NRG3: variants seen among roughly 807,000 people sequenced by gnomAD.
NRG3 encodes pro-neuregulin-3, membrane-bound isoform.
In NRG3, 31 loss-of-function variants were observed where a neutral mutation model predicts 66.9. The observed-to-expected ratio is 0.46, with a 90% CI of 0.35 to 0.63. The LOEUF (loss-of-function observed/expected upper bound fraction) is 0.63, where lower values mean the gene tolerates loss of function less well. Among genes scored for constraint, NRG3 ranks in the 20% least tolerant of loss-of-function variants. The pLI is 0.00. For synonymous variants in NRG3, 393 were observed against 359.4 expected (o/e 1.09, Z -1.06); for missense variants, 910 against 878.9 (o/e 1.04, Z -0.45).
At chr10:82,016,988 C>T (rs534213231) in intron 1 of NRG3, among the ~76,000 whole-genome samples, 54 of 152,006 alleles carry the variant, frequency 3.6e-4, no homozygotes, top group Non-Finnish European at 6.6e-4. Context: ...ACAACGTGCA[C>T]GTTTGTTACA....
intron 1 of NRG3, among the ~76,000 whole-genome samples, chr10:82,086,284 G>A (rs2065721582): frequency 6.6e-6 from 1 of 152,058 alleles, no homozygotes; most frequent in Admixed American, 6.6e-5. Flanking sequence ...TTTAAAGTAA[G>A]TTATCCATAT....
intron 1 of NRG3, among the ~76,000 whole-genome samples, chr10:81,984,185 T>C (rs2060438006): frequency 6.6e-6 from 1 of 152,188 alleles, no homozygotes; most frequent in Non-Finnish European, 1.5e-5. Flanking sequence ...TTTGAACTTC[T>C]GACCTCCAGA....
intron 1 of NRG3, among the ~76,000 whole-genome samples, chr10:82,095,527 A>C (rs149289813): frequency 1.3e-5 from 2 of 152,330 alleles, no homozygotes; most frequent in East Asian, 3.9e-4. Context: ...TTGAGGCATC[A>C]ATCCTATTCC....
chr10:82,007,743 A>G (rs2061427254), intron 1 of NRG3, among the ~76,000 whole-genome samples: 1 of 152,182 alleles, frequency 6.6e-6, no homozygotes, highest in South Asian at 2.1e-4. Flanking sequence ...AATGAAGACT[A>G]GAAGTTTTAA....
intron 1 of NRG3, among the ~76,000 whole-genome samples, chr10:81,906,266 GA>G (rs1264598527): frequency 1.3e-5 from 2 of 151,548 alleles, no homozygotes; most frequent in African/African-American, 4.8e-5. Context: ...CAGTTTCAAA[GA>G]AAAAAAACAG....
chr10:82,246,777 C>A (rs1380066338), intron 1 of NRG3, among the ~76,000 whole-genome samples: 1 of 149,486 alleles, frequency 6.7e-6, no homozygotes, highest in Non-Finnish European at 1.5e-5. Flanking sequence ...GTTTTTTTTT[C>A]AGAGAGTAAG....
intron 6 of NRG3, 27 bp downstream of exon 6, chr10:82,959,102 C>T (rs754690585): frequency 6.4e-7 from 1 of 1,554,104 alleles, no homozygotes; most frequent in Non-Finnish European, 8.6e-7. Context: ...CACACCTCCT[C>T]CTATAGCCTA....
At chr10:82,177,103 T>C (rs914494276) in intron 1 of NRG3, among the ~76,000 whole-genome samples, 2 of 152,046 alleles carry the variant, frequency 1.3e-5, no homozygotes, top group African/African-American at 4.8e-5. Context: ...TTAAATAAGA[T>C]ACCTTAGTGC....
chr10:82,198,912 G>A (rs1252416901), intron 1 of NRG3, among the ~76,000 whole-genome samples: 3 of 151,628 alleles, frequency 2.0e-5, no homozygotes, highest in African/African-American at 4.9e-5. Flanking sequence ...CAGGAGAATC[G>A]CTTGAACCCG....
chr10:82,433,037 A>G (rs956205836), intron 2 of NRG3, among the ~76,000 whole-genome samples: 3 of 152,210 alleles, frequency 2.0e-5, no homozygotes, highest in African/African-American at 7.2e-5. Context: ...AGGAATCACC[A>G]TACTGTATTC....
At chr10:82,910,497 C>G (rs1182321404) in intron 4 of NRG3, among the ~76,000 whole-genome samples, 1 of 152,188 alleles carries the variant, frequency 6.6e-6, no homozygotes, top group Non-Finnish European at 1.5e-5. Context: ...TAAGTTCTTA[C>G]TTGTCTATTA....
At chr10:82,117,488 C>T (rs916567943) in intron 1 of NRG3, among the ~76,000 whole-genome samples, 4 of 152,086 alleles carry the variant, frequency 2.6e-5, no homozygotes, top group Admixed American at 2.0e-4. Context: ...TTGTCAAATA[C>T]TTGATATCTT....
At chr10:82,470,472 A>G (rs1310570680) in intron 2 of NRG3, among the ~76,000 whole-genome samples, 1 of 152,260 alleles carries the variant, frequency 6.6e-6, no homozygotes, top group Non-Finnish European at 1.5e-5. Flanking sequence ...ATTATTTAAC[A>G]GTGTTAGCTA....
At chr10:82,184,290 A>T (rs2073647989) in intron 1 of NRG3, among the ~76,000 whole-genome samples, 1 of 152,168 alleles carries the variant, frequency 6.6e-6, no homozygotes, top group Admixed American at 6.6e-5. Context: ...AGAACAATAA[A>T]TGGACTCAAG....
At chr10:82,347,992 G>C (rs1277354920) in intron 1 of NRG3, among the ~76,000 whole-genome samples, 1 of 151,922 alleles carries the variant, frequency 6.6e-6, no homozygotes, top group African/African-American at 2.4e-5. Context: ...CCTGAATACA[G>C]CACACTGATG....
At chr10:82,668,873 A>G (rs990298395) in intron 2 of NRG3, among the ~76,000 whole-genome samples, 6 of 152,022 alleles carry the variant, frequency 3.9e-5, no homozygotes, top group African/African-American at 1.4e-4. Flanking sequence ...GATTGCCTCT[A>G]TTTTCTGGTG....
chr10:82,858,354 T>C (rs1292134478), intron 3 of NRG3, among the ~76,000 whole-genome samples: 1 of 152,122 alleles, frequency 6.6e-6, no homozygotes, highest in Non-Finnish European at 1.5e-5. Flanking sequence ...CCTGTTTTGC[T>C]GTAATAAACT....
intron 2 of NRG3, among the ~76,000 whole-genome samples, chr10:82,731,366 C>CAAAAAA (rs557587083): frequency 1.2e-5 from 1 of 85,420 alleles, no homozygotes; most frequent in Non-Finnish European, 2.5e-5. Context: ...TACTCTGTCT[C>CAAAAAA]AAAAAAAAAA....
At chr10:82,048,303 TCAG>T (rs2063409820) in intron 1 of NRG3, among the ~76,000 whole-genome samples, 1 of 151,512 alleles carries the variant, frequency 6.6e-6, no homozygotes, top group African/African-American at 2.4e-5. Flanking sequence ...TACATTTTTT[TCAG>T]CACCACACCA....
Sources: gnomAD v4.1 joint callset for allele counts (sites outside exome capture counted in the v4.1 genomes callset) on GRCh38, gnomAD v4.1.1 for gene constraint, MANE v1.5 for transcripts, NCBI Gene and HGNC (gene_info 2026-07-23, HGNC 2026-07-21) for gene names.